Variants in PTPN14 observed in about 807,000 individuals in gnomAD.
PTPN14 encodes protein tyrosine phosphatase non-receptor type 14, also known as tyrosine-protein phosphatase non-receptor type 14.
PTPN14 carries 53 observed loss-of-function variants against 126.8 expected under a neutral mutation model. The observed-to-expected ratio is 0.42, with a 90% confidence interval of 0.34 to 0.53. PTPN14 has a LOEUF of 0.53. PTPN14 is among the 20% of genes least tolerant of loss of function. The pLI is 0.08. For synonymous variants in PTPN14, 630 were observed against 599.3 expected (o/e 1.05, Z -0.75); for missense variants, 1,257 against 1,552.9 (o/e 0.81, Z 3.20).
intron 1 of PTPN14, among the ~76,000 whole-genome samples, chr1:214,497,487 T>C (rs1654557942): frequency 6.6e-6 from 1 of 152,214 alleles, no homozygotes; most frequent in Non-Finnish European, 1.5e-5. Flanking sequence ...TAAGTGTGTA[T>C]AGCATTTAGC....
At chr1:214,369,730 G>A in intron 16 of PTPN14, 39 bp from the exon 17 acceptor site, 3 of 1,547,416 alleles carry the variant, frequency 1.9e-6, no homozygotes, top group Non-Finnish European at 2.7e-6. Context: ...AATAGGTCAA[G>A]GGAAGCTCTC....
chr1:214,492,711 C>G (rs1263365909), intron 1 of PTPN14, among the ~76,000 whole-genome samples: 1 of 151,984 alleles, frequency 6.6e-6, no homozygotes, highest in Non-Finnish European at 1.5e-5. Context: ...AGTTTGATAC[C>G]AGCCTGGCCA....
intron 1 of PTPN14, among the ~76,000 whole-genome samples, chr1:214,506,594 C>T (rs1654849666): frequency 6.6e-6 from 1 of 151,856 alleles, no homozygotes; most frequent in Non-Finnish European, 1.5e-5. Flanking sequence ...GGCAAGAATG[C>T]CAAAACCTTT....
At chr1:214,528,245 T>G (rs1309206911) in intron 1 of PTPN14, 1 of 152,124 alleles carries the variant, frequency 6.6e-6, no homozygotes, top group African/African-American at 2.4e-5. Context: ...CCCAAAGGAA[T>G]AACTGGAAAG....
chr1:214,405,698 G>A (rs955438126), intron 5 of PTPN14, among the ~76,000 whole-genome samples: 1 of 151,354 alleles, frequency 6.6e-6, no homozygotes, highest in Non-Finnish European at 1.5e-5. Flanking sequence ...CAGAATAATA[G>A]TGCTAATAAC....
chr1:214,438,329 G>A (rs1407738624), intron 3 of PTPN14, among the ~76,000 whole-genome samples: 1 of 152,146 alleles, frequency 6.6e-6, no homozygotes, highest in East Asian at 1.9e-4. Context: ...ACTCGGCACA[G>A]GACAAAGCAC....
intron 9 of PTPN14, among the ~76,000 whole-genome samples, chr1:214,394,645 T>C (rs1658836019): frequency 1.3e-5 from 2 of 152,196 alleles, no homozygotes; most frequent in Admixed American, 1.3e-4. Context: ...TGACCTCAAG[T>C]GATCCACCGG....
intron 3 of PTPN14, among the ~76,000 whole-genome samples, chr1:214,429,128 G>A (rs1357365155): frequency 6.6e-6 from 1 of 152,042 alleles, no homozygotes; most frequent in Non-Finnish European, 1.5e-5. Context: ...ATTCTTAAAG[G>A]CATGACCATG....
At position 214,414,622 on chromosome 1, in the gene PTPN14, G is replaced by GTCT. The variant is rs768890134; in HGVS notation, c.442+4_442+6dup. ...AATTTCACATGCTGCTCATAACTAT[G>GTCT]TCTTACCTTGCACAGCTAGGCCGGC... is the stretch of plus-strand genomic sequence containing the variant. On this transcript the variant is annotated splice_region_variant and intron_variant, in intron 4 of 18. Transcript: ENST00000366956. The GTCT allele has an allele frequency of 1.9e-6, 3 of 1,609,046 alleles. No homozygotes were observed. The East Asian group carries it at 6.7e-5, about 36-fold the overall frequency.
chr1:214,452,483 T>C (rs1300192432), intron 2 of PTPN14, among the ~76,000 whole-genome samples: 1 of 152,248 alleles, frequency 6.6e-6, no homozygotes, highest in Non-Finnish European at 1.5e-5. Context: ...GAGAATTTAT[T>C]CACTCTTTTC....
At position 214,458,223 on chromosome 1, in the gene PTPN14, A is replaced by AT. The variant is rs374781467; in HGVS notation, c.175-6250dup. On this transcript the variant is annotated intron_variant, in intron 2 of 18. Transcript: ENST00000366956. Reference sequence around the variant, plus strand: ...CATCACCATGCCTGGCTAATTTTTTATTTTTTTTGTAGAGATGGATCTCAC... The same window carrying AT: ...CATCACCATGCCTGGCTAATTTTTTATTTTTTTTTGTAGAGATGGATCTCAC... 1.8e-3 allele frequency among the ~76,000 whole-genome samples: 278 copies of AT among 151,698 alleles called. 1 individual carries two copies. The highest frequency in any genetic ancestry group is 6.3e-3 in the African/African-American group (259 of 41,334).
At chr1:214,461,380 C>A (rs1350728570) in intron 2 of PTPN14, among the ~76,000 whole-genome samples, 4 of 152,142 alleles carry the variant, frequency 2.6e-5, no homozygotes, top group Non-Finnish European at 5.9e-5. Context: ...CATCTATAAT[C>A]CCAGCACTTT....
At chr1:214,416,928 TAGTA>T (rs968447765) in intron 3 of PTPN14, among the ~76,000 whole-genome samples, 1 of 152,034 alleles carries the variant, frequency 6.6e-6, no homozygotes, top group African/African-American at 2.4e-5. Context: ...ATTATAACAG[TAGTA>T]AAATATAACA....
chr1:214,353,466 A>C lies in PTPN14; in HGVS notation c.*4456T>G, dbSNP rs1192764732. On this transcript the variant is annotated 3_prime_UTR_variant, in exon 19 of 19. Transcript: ENST00000366956. ...TTGAATATAGGGATGTGGAACCCACAGATAGGGGTGGTCAACTGTACTCAT... is the reference window on the plus strand; with the variant it reads ...TTGAATATAGGGATGTGGAACCCACCGATAGGGGTGGTCAACTGTACTCAT... The C allele has an allele frequency of 6.6e-6, 1 of 152,240 alleles. No homozygotes were observed. Among genetic ancestry groups the C allele is most frequent in the African/African-American group, 2.4e-5 (1 of 41,466 alleles). The allele number at this position is 152,240 out of a possible 1,614,324, so 9.4% of individuals were successfully genotyped here.
chr1:214,368,913 C>T (rs1389279342), intron 17 of PTPN14, among the ~76,000 whole-genome samples: 2 of 152,106 alleles, frequency 1.3e-5, no homozygotes, highest in African/African-American at 2.4e-5. Context: ...ATCTGAGAGG[C>T]GGAGGTTGCA....
At chr1:214,386,289 A>C (rs1392367341) in intron 12 of PTPN14, among the ~76,000 whole-genome samples, 1 of 152,226 alleles carries the variant, frequency 6.6e-6, no homozygotes, top group Non-Finnish European at 1.5e-5. Context: ...CTAGCAGAAG[A>C]AGCTTTTTCA....
At position 214,494,867 on chromosome 1, in the gene PTPN14, A is replaced by T. The variant is rs1369676442; in HGVS notation, c.-154-29910T>A. ...CAAAGTATAATTAGAAACACTGACC[A>T]CGTGTCATCTTCACCACAAGTGAAC... On this transcript the variant is annotated intron_variant, in intron 1 of 18. Coordinates refer to ENST00000366956, the MANE Select transcript of PTPN14 (RefSeq NM_005401.5). Among the ~76,000 whole-genome samples the T allele has an allele frequency of 5.3e-5, 8 of 152,300 alleles. No individual in the cohort carries two copies. The East Asian group carries it at 1.4e-3, about 26-fold the overall frequency.
rs1655010504 is a variant in PTPN14 at position 214,512,824 on chromosome 1, G to A, written c.-155+38359C>T. Among the ~76,000 whole-genome samples the A allele has an allele frequency of 2.0e-5, 3 of 152,184 alleles. No individual in the cohort carries two copies. In the South Asian group the frequency reaches 6.2e-4, roughly 32 times the overall value. ...TCCCACCTCAACCTCTCAAGTAGCT[G>A]GGACCACAGGCGCACATCATCATGC... On this transcript the variant is annotated intron_variant, in intron 1 of 18. Transcript: ENST00000366956.
At chr1:214,520,991 A>G (rs1655240503) in intron 1 of PTPN14, among the ~76,000 whole-genome samples, 1 of 152,192 alleles carries the variant, frequency 6.6e-6, no homozygotes, top group Admixed American at 6.5e-5. Context: ...AAACAGATTC[A>G]CAATGCCTAA....
Sources: allele counts gnomAD v4.1 joint callset (sites outside exome capture counted in the v4.1 genomes callset), GRCh38; gene constraint gnomAD v4.1.1; transcripts MANE v1.5; gene names NCBI Gene and HGNC (gene_info 2026-07-23, HGNC 2026-07-21).